Variants in AKNAD1 observed in about 807,000 individuals in gnomAD.
AKNAD1 encodes AKNA domain containing 1, also known as protein AKNAD1.
Under a neutral mutation model 90.8 loss-of-function variants are expected in AKNAD1, and 67 were observed. The observed-to-expected ratio is 0.74, with a 90% CI of 0.61 to 0.90. The LOEUF is 0.90. Among genes scored for constraint, AKNAD1 ranks in the 40% least tolerant of loss-of-function variants. The pLI is 0.00. For synonymous variants in AKNAD1, 327 were observed against 341.4 expected (o/e 0.96, Z 0.46); for missense variants, 957 against 975.4 (o/e 0.98, Z 0.25).
At chr1:108,850,350 C>G (rs1277204) in intron 2 of AKNAD1, among the ~76,000 whole-genome samples, 1 of 152,134 alleles carries the variant, frequency 6.6e-6, no homozygotes, top group East Asian at 1.9e-4. Flanking sequence ...TACCTGACCT[C>G]GAACCCCCAT....
intron 9 of AKNAD1, among the ~76,000 whole-genome samples, chr1:108,831,552 T>A (rs1004191736): frequency 6.6e-6 from 1 of 152,196 alleles, no homozygotes; most frequent in Non-Finnish European, 1.5e-5. Context: ...GAGGGGTGTG[T>A]CACCTTTTGT....
rs185945785 is a variant in AKNAD1, at chr1:108,834,152, C to G, written c.1746+295G>C. Among the ~76,000 whole-genome samples the G allele has an allele frequency of 1.1e-4, 16 of 152,080 alleles. No homozygotes were observed. In the East Asian group the frequency reaches 1.5e-3, roughly 15 times the overall value. ...TTAGCAATGCAGAATTGCAGGCTCG[C>G]CCCAAACTTACTGATTCAGAGCCTG... On this transcript the variant is annotated intron_variant, in intron 9 of 15. Coordinates refer to ENST00000370001, the MANE Select transcript of AKNAD1 (RefSeq NM_152763.5).
intron 5 of AKNAD1, among the ~76,000 whole-genome samples, chr1:108,844,975 T>C (rs1664661659): frequency 6.6e-6 from 1 of 152,102 alleles, no homozygotes; most frequent in South Asian, 2.1e-4. Context: ...TGCACCACCA[T>C]GCCTGGCTAA....
chr1:108,830,458 C>CA, intron 10 of AKNAD1, 101 bp downstream of exon 10: 1 of 1,090,364 alleles, frequency 9.2e-7, no homozygotes, highest in Non-Finnish European at 1.4e-6. Context: ...CTCTATAACT[C>CA]AGCCAGTGGC....
chr1:108,823,904 G>A (rs1463585356), intron 11 of AKNAD1, among the ~76,000 whole-genome samples: 1 of 152,136 alleles, frequency 6.6e-6, no homozygotes, highest in African/African-American at 2.4e-5. Flanking sequence ...AACATTTCTT[G>A]TATGAAAATC....
In AKNAD1 at chr1:108,848,931, GTC is replaced by G; in HGVS notation, c.1161_1162del (p.Gln387HisfsTer2). On this transcript the variant is annotated frameshift_variant, in exon 4 of 16. Coordinates refer to ENST00000370001, the MANE Select transcript of AKNAD1 (RefSeq NM_152763.5). LOFTEE classifies it high-confidence loss of function. ...TATTACTTTAGTCTTCAGTTGATCA[GTC>G]TGTTCTTTCAACTTCTGACACATCT... The G allele has an allele frequency of 6.2e-7, 1 of 1,606,544 alleles. No homozygotes were observed. The highest frequency in any genetic ancestry group is 8.5e-7 in the Non-Finnish European group (1 of 1,177,892).
chr1:108,857,191 A>G (rs1188791511), upstream of AKNAD1: 9 of 152,406 alleles, frequency 5.9e-5, no homozygotes, highest in Admixed American at 5.2e-4. Flanking sequence ...ACTTTGAGCA[A>G]ACAGGGCCAG....
Position 108,816,262 on chromosome 1 carries a change from G to T in AKNAD1, c.2420C>A (p.Thr807Asn). 6.2e-7 allele frequency: 1 copy of T among 1,613,546 alleles called. No individual in the cohort carries two copies. The change falls in exon 16 of 16, where the codon ACC (threonine) becomes AAC (asparagine). Residue 807 changes from threonine (T) to asparagine (N), a missense_variant. Thr to Asn is a moderately conservative substitution (Grantham distance 65). Coordinates refer to ENST00000370001, the MANE Select transcript of AKNAD1 (RefSeq NM_152763.5). ...TTGATCTGTAGTTTCTTTCAAAATG[G>T]TTGCTGTCCTTAGGGCATGATCCAA... ...SALDHALRTA[T>N]ILKETTDQMI...
rs543291605 is a variant in AKNAD1 at position 108,852,842 on chromosome 1, TG to T, written c.-103-76del. 9.8e-5 allele frequency: 51 copies of T among 521,188 alleles called. No individual in the cohort carries two copies. In the East Asian group the frequency reaches 1.5e-3, roughly 15 times the overall value. The allele number at this position is 521,188 out of a possible 1,614,324, so 32.3% of individuals were successfully genotyped here. A position where few individuals can be genotyped will look rare whatever the true frequency, so the allele number is the denominator to read the frequency against. On this transcript the variant is annotated intron_variant, in intron 1 of 15. Transcript: ENST00000370001. ...TACAACTATGCCAGAACAAAGTGGA[TG>T]TTTTTTTAATTTGAAAAATTCAGTT...
chr1:108,834,934 C>A lies in AKNAD1; in HGVS notation c.1659G>T (p.Pro553=). The A allele has an allele frequency of 1.3e-6, 2 of 1,534,502 alleles. No homozygotes were observed. The highest frequency in any genetic ancestry group is 2.5e-5 in the South Asian group (2 of 79,956). ...APNEELCELA[P]QTYLNGHYGD... ...GCTCCAGGGCTAGGACTCACGTCTG[C>A]GGGGCCAGCTCACAGAGCTCCTCGT... Residue 553 remains proline (P), a synonymous_variant, in exon 8 of 16, where the codon CCG becomes CCT. Transcript: ENST00000370001.
chr1:108,834,535 T>TAAA lies in AKNAD1; in HGVS notation c.1665-10_1665-8dup. The stretch of plus-strand genomic sequence containing the variant: ...ATAATGACCGTTTAGGTAACTAATT[T>TAAA]AAAAAAAAAAAAAGCAGTTTGAATG... On this transcript the variant is annotated splice_region_variant and splice_polypyrimidine_tract_variant and intron_variant, in intron 8 of 15. Transcript: ENST00000370001. 9.1e-6 allele frequency: 12 copies of TAAA among 1,312,964 alleles called. No individual in the cohort carries two copies. Among genetic ancestry groups the TAAA allele is most frequent in the Admixed American group, 2.2e-5 (1 of 46,152 alleles). The allele number at this position is 1,312,964 out of a possible 1,614,324, so 81.3% of individuals were successfully genotyped here. A position where few individuals can be genotyped will look rare whatever the true frequency, so the allele number is the denominator to read the frequency against.
At chr1:108,817,677 A>AT (rs1160761059) in intron 14 of AKNAD1, among the ~76,000 whole-genome samples, 197 of 146,492 alleles carry the variant, frequency 1.3e-3, no homozygotes, top group African/African-American at 4.2e-3. Flanking sequence ...AATTTTTTGT[A>AT]TTTTTTTTTA....
chr1:108,835,681 A>G (rs183993085), intron 7 of AKNAD1, among the ~76,000 whole-genome samples: 293 of 151,512 alleles, frequency 1.9e-3, no homozygotes, highest in Non-Finnish European at 3.8e-3. Context: ...CTGGAGTGCA[A>G]TGGCGCAATC....
chr1:108,838,111 A>G (rs992171236), intron 6 of AKNAD1, among the ~76,000 whole-genome samples: 2 of 152,198 alleles, frequency 1.3e-5, no homozygotes, highest in Non-Finnish European at 2.9e-5. Flanking sequence ...TAATTTAATT[A>G]ACAAGTTCTA....
chr1:108,821,837 C>A (rs1570793052), intron 13 of AKNAD1, among the ~76,000 whole-genome samples: 1 of 134,214 alleles, frequency 7.5e-6, no homozygotes, highest in South Asian at 2.5e-4. Context: ...TTCTCCCCTT[C>A]CCTTTCCCTC....
intron 5 of AKNAD1, among the ~76,000 whole-genome samples, chr1:108,847,936 G>T (rs1419135908): frequency 6.6e-6 from 1 of 152,190 alleles, no homozygotes; most frequent in African/African-American, 2.4e-5. Context: ...CCTGGTACAG[G>T]GTCTGGGACA....
chr1:108,852,490 T>C lies in AKNAD1; in HGVS notation c.175A>G (p.Met59Val), dbSNP rs765370024. ...GTATTTCCACAAGTCTCACTATGCA[T>C]AGCCTTCTCTTGAGGGTCATCTGCT... is the stretch of plus-strand genomic sequence containing the variant. ...FIADDPQEKA[M>V]HSETCGNTAV... Residue 59 changes from methionine (M) to valine (V), a missense_variant, in exon 2 of 16, where the codon ATG (methionine) becomes GTG (valine). Met to Val is a conservative substitution (Grantham distance 21). Coordinates refer to ENST00000370001, the MANE Select transcript of AKNAD1 (RefSeq NM_152763.5). The C allele has an allele frequency of 3.1e-6, 5 of 1,614,028 alleles. No individual in the cohort carries two copies. In the South Asian group the frequency reaches 4.4e-5, roughly 14 times the overall value.
At chr1:108,853,288 C>A (rs957352804) in intron 1 of AKNAD1, among the ~76,000 whole-genome samples, 1 of 151,968 alleles carries the variant, frequency 6.6e-6, no homozygotes. Flanking sequence ...CCCGCCACCA[C>A]GCCCAGCTAA....
chr1:108,850,316 T>C (rs945307173), intron 2 of AKNAD1, among the ~76,000 whole-genome samples: 10 of 151,712 alleles, frequency 6.6e-5, no homozygotes, highest in African/African-American at 2.4e-4. Context: ...CCAATCTGAA[T>C]TGACAGAACT....
Sources: allele counts gnomAD v4.1 joint callset (sites outside exome capture counted in the v4.1 genomes callset), GRCh38; gene constraint gnomAD v4.1.1; transcripts MANE v1.5; gene names NCBI Gene and HGNC (gene_info 2026-07-23, HGNC 2026-07-21).